Variants in TTC7A observed in about 807,000 individuals in gnomAD.
The protein encoded by TTC7A is tetratricopeptide repeat domain 7A.
In TTC7A, 110 loss-of-function variants were observed where a neutral mutation model predicts 103.7. That is an observed-to-expected ratio of 1.06 (90% CI 0.91 to 1.24). TTC7A has a LOEUF of 1.24. Among genes scored for constraint, TTC7A ranks in the 50% most tolerant of loss-of-function variants. The pLI, the probability that TTC7A is intolerant of heterozygous loss-of-function variation, is 0.00. For missense variants in TTC7A, 1,340 were observed against 1,116.3 expected (o/e 1.20, Z -2.86); for synonymous variants, 521 against 467.9 (o/e 1.11, Z -1.47).
At chr2:46,943,029 C>T (rs1670586446) in intron 1 of TTC7A, among the ~76,000 whole-genome samples, 1 of 152,102 alleles carries the variant, frequency 6.6e-6, no homozygotes, top group Non-Finnish European at 1.5e-5. Flanking sequence ...CCTCAGCCTC[C>T]CAAGTAGCTG....
chr2:47,047,715 C>A (rs1250082958), intron 16 of TTC7A, among the ~76,000 whole-genome samples: 1 of 152,230 alleles, frequency 6.6e-6, no homozygotes, highest in Non-Finnish European at 1.5e-5. Flanking sequence ...CCCCTCTGAG[C>A]TGCAGCCTTG....
rs954216130 is a variant in TTC7A at position 47,074,101 on chromosome 2, T to C, written c.*178T>C. 1.3e-5 allele frequency: 8 copies of C among 605,342 alleles called. No individual in the cohort carries two copies. The highest frequency in any genetic ancestry group is 2.0e-5 in the Non-Finnish European group (7 of 342,752). The allele number at this position is 605,342 out of a possible 1,614,324, so 37.5% of individuals were successfully genotyped here. A position where few individuals can be genotyped will look rare whatever the true frequency, so the allele number is the denominator to read the frequency against. ...GCTGGGCCAAGAGGGCCTTCCTGGA[T>C]TTCTTTGTTGGTGCCTTGGGAAACA... On this transcript the variant is annotated 3_prime_UTR_variant, in exon 20 of 20. Transcript: ENST00000319190.
At chr2:46,922,076 A>G (rs1052521864) in intron 2 of TTC7A, among the ~76,000 whole-genome samples, 1 of 152,222 alleles carries the variant, frequency 6.6e-6, no homozygotes, top group African/African-American at 2.4e-5. Context: ...AGGAAAGCTG[A>G]TTAGCTGGCA....
Position 46,995,175 on chromosome 2 carries a change from G to C in TTC7A, c.1041G>C (p.Leu347=), listed in dbSNP as rs1234395350. The change falls in exon 8 of 20, where the codon CTG becomes CTC. Residue 347 remains leucine, a synonymous_variant. Transcript: ENST00000319190. ...CPKDNIEEAL[L]LLLISESMAT... is the part of the protein sequence containing the mutation. ...AGGACAACATCGAGGAAGCCCTCCTGCTCCTCCTCATCAGCGAATCCATGG... is the reference window on the plus strand; with the variant it reads ...AGGACAACATCGAGGAAGCCCTCCTCCTCCTCCTCATCAGCGAATCCATGG... 1 of 1,614,170 alleles carries C rather than the reference G, an allele frequency of 6.2e-7. No homozygotes were observed. The highest frequency in any genetic ancestry group is 1.3e-5 in the African/African-American group (1 of 75,042).
chr2:46,996,938 C>G (rs72872908), intron 8 of TTC7A, among the ~76,000 whole-genome samples: 20 of 152,166 alleles, frequency 1.3e-4, no homozygotes, highest in African/African-American at 4.6e-4. Flanking sequence ...AATCATCTGT[C>G]TGGAAACACA....
intron 15 of TTC7A, among the ~76,000 whole-genome samples, chr2:47,039,531 A>T (rs1256761303): frequency 6.6e-6 from 1 of 152,190 alleles, no homozygotes; most frequent in African/African-American, 2.4e-5. Context: ...CCACAAAAAT[A>T]TCCCCTATCT....
chr2:47,010,161 G>A (rs955429539), intron 10 of TTC7A, among the ~76,000 whole-genome samples: 1 of 152,106 alleles, frequency 6.6e-6, no homozygotes. Flanking sequence ...TATTTAAAAT[G>A]CACTTAGAAC....
intron 3 of TTC7A, among the ~76,000 whole-genome samples, chr2:46,968,889 T>C (rs1253033312): frequency 6.6e-6 from 1 of 151,976 alleles, no homozygotes; most frequent in Non-Finnish European, 1.5e-5. Context: ...CTTGGGCTCT[T>C]TTCTAATTGG....
intron 16 of TTC7A, 36 bp downstream of exon 16, chr2:47,046,467 G>A: frequency 6.4e-7 from 1 of 1,568,082 alleles, no homozygotes; most frequent in East Asian, 2.2e-5. Flanking sequence ...GTTGCCAGAG[G>A]GTGGTTGCCA....
intron 19 of TTC7A, among the ~76,000 whole-genome samples, chr2:47,072,326 C>T (rs1409590021): frequency 6.6e-6 from 1 of 152,182 alleles, no homozygotes; most frequent in African/African-American, 2.4e-5. Context: ...CTGACAGAGG[C>T]GCTGTGAGGA....
intron 4 of TTC7A, 46 bp from the exon 5 acceptor site, chr2:46,978,746 C>A: frequency 1.3e-6 from 2 of 1,517,494 alleles, no homozygotes; most frequent in Non-Finnish European, 9.1e-7. Context: ...TGACCCTCTG[C>A]CTCAGAACTT....
At chr2:46,971,728 C>T (rs988592477) in intron 3 of TTC7A, among the ~76,000 whole-genome samples, 1 of 152,014 alleles carries the variant, frequency 6.6e-6, no homozygotes, top group Non-Finnish European at 1.5e-5. Context: ...GCTTATAGGG[C>T]AGGAAACAGT....
rs369647340 is a variant in TTC7A, at chr2:47,073,659, C to G, written c.2356-43C>G. 335 of 1,580,384 alleles carry G rather than the reference C, an allele frequency of 2.1e-4. 1 individual carries two copies. Among genetic ancestry groups the G allele is most frequent in the Non-Finnish European group, 2.5e-4 (285 of 1,152,446 alleles). On this transcript the variant is annotated intron_variant, in intron 19 of 19. Transcript: ENST00000319190. Reference sequence around the variant, plus strand: ...GGCCCAGTTGCCAAGATGCCTGTGCCATGGGACACCCCTACTCACCCTGCC... The same window carrying G: ...GGCCCAGTTGCCAAGATGCCTGTGCGATGGGACACCCCTACTCACCCTGCC...
chr2:46,994,530 C>T lies in TTC7A; in HGVS notation c.1001+16C>T, dbSNP rs1346356319. On this transcript the variant is annotated intron_variant, in intron 7 of 19. Transcript: ENST00000319190. ...AAGGAGACAAGTAAGTTCTGCCTGC[C>T]CTGCTGCACCTTGCCAGTCTCACAT... is the stretch of plus-strand genomic sequence containing the variant. 5 of 1,612,418 alleles carry T rather than the reference C, an allele frequency of 3.1e-6. No individual in the cohort carries two copies. Among genetic ancestry groups the T allele is most frequent in the Non-Finnish European group, 3.4e-6 (4 of 1,178,996 alleles).
intron 15 of TTC7A, among the ~76,000 whole-genome samples, chr2:47,038,637 A>AC (rs1681404729): frequency 2.0e-5 from 1 of 51,228 alleles, no homozygotes; most frequent in African/African-American, 7.5e-5. Context: ...CTTCCCACCC[A>AC]CCCTCCCCCC....
At chr2:46,988,517 A>G (rs959081091) in intron 5 of TTC7A, among the ~76,000 whole-genome samples, 1 of 152,226 alleles carries the variant, frequency 6.6e-6, no homozygotes, top group African/African-American at 2.4e-5. Context: ...GGCCATATGC[A>G]CTAGTATCTG....
At chr2:47,026,866 C>CCGCA (rs1189830537) in intron 14 of TTC7A, among the ~76,000 whole-genome samples, 1 of 152,166 alleles carries the variant, frequency 6.6e-6, no homozygotes, top group Non-Finnish European at 1.5e-5. Context: ...CCCTAAGGTG[C>CCGCA]CAGCTGGGAA....
rs531761843 is a variant in TTC7A, at chr2:46,964,523, A to T, written c.517+7516A>T. ...TGCACCACAGCCTGTTCCCCCTCAA[A>T]TCAGGCTCACCTATGGTTCAGCACT... is the stretch of plus-strand genomic sequence containing the variant. On this transcript the variant is annotated intron_variant, in intron 3 of 19. Coordinates refer to ENST00000319190, the MANE Select transcript of TTC7A (RefSeq NM_020458.4). Among the ~76,000 whole-genome samples the T allele has an allele frequency of 2.4e-4, 36 of 152,258 alleles. No individual in the cohort carries two copies. In the South Asian group the frequency reaches 3.3e-3, roughly 14 times the overall value.
chr2:47,039,209 A>G (rs1248656996), intron 15 of TTC7A, among the ~76,000 whole-genome samples: 2 of 152,220 alleles, frequency 1.3e-5, no homozygotes, highest in Non-Finnish European at 2.9e-5. Context: ...CCCTGTCTCA[A>G]CAGGGAAGTG....
Sources: gnomAD v4.1 joint callset for allele counts (sites outside exome capture counted in the v4.1 genomes callset) on GRCh38, gnomAD v4.1.1 for gene constraint, MANE v1.5 for transcripts, NCBI Gene and HGNC (gene_info 2026-07-23, HGNC 2026-07-21) for gene names.